The following NFIB variants were observed in gnomAD, a reference collection of about 807,000 sequenced individuals.
The protein encoded by NFIB is nuclear factor 1 B-type.
In NFIB, 11 loss-of-function variants were observed where a neutral mutation model predicts 61.5. The ratio of observed to expected loss-of-function variants is 0.18; its 90% CI spans 0.11 to 0.30. The LOEUF is 0.30. NFIB is among the 10% of genes least tolerant of loss of function. NFIB has a pLI of 1.00. For missense variants in NFIB, 471 were observed against 608.9 expected (o/e 0.77, Z 2.38); for synonymous variants, 260 against 216.5 (o/e 1.20, Z -1.76).
At chr9:14,175,912 C>A (rs2046136233) in intron 3 of NFIB, among the ~76,000 whole-genome samples, 1 of 152,146 alleles carries the variant, frequency 6.6e-6, no homozygotes, top group Non-Finnish European at 1.5e-5. Context: ...TTGGAACTGA[C>A]TTAGAAGCAA....
chr9:14,186,921 CTGAG>C (rs756475448), intron 2 of NFIB, among the ~76,000 whole-genome samples: 5 of 151,820 alleles, frequency 3.3e-5, no homozygotes, highest in Non-Finnish European at 7.4e-5. Context: ...CATGGGAAAA[CTGAG>C]TGTTTTCCTT....
intron 1 of NFIB, chr9:14,321,886 G>T (rs991822658): frequency 8.1e-7 from 1 of 1,231,570 alleles, no homozygotes; most frequent in Non-Finnish European, 1.0e-6. Flanking sequence ...ATAGGAGGGG[G>T]TGCAAAGAAC....
chr9:14,125,909 G>T, intron 6 of NFIB, 143 bp from the exon 7 acceptor site: 1 of 1,101,346 alleles, frequency 9.1e-7, no homozygotes, highest in Non-Finnish European at 1.2e-6. Flanking sequence ...GAGTGTCAAC[G>T]ATCCAGCTGT....
chr9:14,315,684 C>T (rs2132785006), upstream of NFIB, among the ~76,000 whole-genome samples: 1 of 150,946 alleles, frequency 6.6e-6, no homozygotes, highest in South Asian at 2.1e-4. Flanking sequence ...AGTGAATGAA[C>T]TTGATTCCAG....
the NFIB span, among the ~76,000 whole-genome samples, chr9:14,510,243 C>T: frequency 6.6e-6 from 1 of 152,088 alleles, no homozygotes; most frequent in Admixed American, 6.5e-5. Context: ...AAGTTAAATG[C>T]TTTAAATTAT....
chr9:14,258,849 T>A (rs1013396820), intron 2 of NFIB, among the ~76,000 whole-genome samples: 1 of 152,174 alleles, frequency 6.6e-6, no homozygotes, highest in Non-Finnish European at 1.5e-5. Context: ...CACAACACAC[T>A]TGCTCAACTT....
intron 6 of NFIB, among the ~76,000 whole-genome samples, chr9:14,144,403 C>T (rs982870738): frequency 6.6e-6 from 1 of 152,094 alleles, no homozygotes; most frequent in Non-Finnish European, 1.5e-5. Flanking sequence ...TTAGAATAAG[C>T]TGACAATGTC....
the NFIB span, among the ~76,000 whole-genome samples, chr9:14,404,518 C>G: frequency 7.8e-4 from 119 of 152,282 alleles, 1 homozygote; most frequent in African/African-American, 2.7e-3. Flanking sequence ...AAATTTCCAT[C>G]ATGAAATTGT....
chr9:14,243,404 A>G (rs1346367268), intron 2 of NFIB, among the ~76,000 whole-genome samples: 1 of 152,192 alleles, frequency 6.6e-6, no homozygotes, highest in Non-Finnish European at 1.5e-5. Context: ...TGGATAAGTA[A>G]GAGAAATAAA....
At chr9:14,373,305 C>A (rs545535977) in intron 1 of NFIB, among the ~76,000 whole-genome samples, 2 of 152,332 alleles carry the variant, frequency 1.3e-5, no homozygotes, top group African/African-American at 4.8e-5. Flanking sequence ...TTTATGAGAA[C>A]TTACCTTCCC....
chr9:14,475,795 A>C, the NFIB span, among the ~76,000 whole-genome samples: 1 of 152,108 alleles, frequency 6.6e-6, no homozygotes, highest in African/African-American at 2.4e-5. Flanking sequence ...ACAATTTCTC[A>C]CAAAATTTAT....
At chr9:14,401,084 G>A (rs2061738575), upstream of NFIB, among the ~76,000 whole-genome samples, 1 of 152,222 alleles carries the variant, frequency 6.6e-6, no homozygotes, top group Non-Finnish European at 1.5e-5. Flanking sequence ...GTTCCAAGAA[G>A]TAGTGGTTAA....
the NFIB span, among the ~76,000 whole-genome samples, chr9:14,483,923 A>G: frequency 6.6e-6 from 1 of 152,232 alleles, no homozygotes; most frequent in Non-Finnish European, 1.5e-5. Flanking sequence ...GCAGATCATC[A>G]GGAAGCTACA....
chr9:14,374,132 A>G (rs905140372), intron 1 of NFIB, among the ~76,000 whole-genome samples: 2 of 152,254 alleles, frequency 1.3e-5, no homozygotes, highest in Non-Finnish European at 2.9e-5. Context: ...GTGGGGCCTT[A>G]TATGAGTGAA....
intron 2 of NFIB, among the ~76,000 whole-genome samples, chr9:14,242,722 C>T (rs2054486650): frequency 6.6e-6 from 1 of 152,128 alleles, no homozygotes; most frequent in Non-Finnish European, 1.5e-5. Flanking sequence ...ATCAACAAAG[C>T]AATTATTTTA....
chr9:14,174,853 C>A (rs893608023), intron 3 of NFIB, among the ~76,000 whole-genome samples: 7 of 151,428 alleles, frequency 4.6e-5, no homozygotes, highest in African/African-American at 1.7e-4. Flanking sequence ...CTTTGAACAC[C>A]ATATTCCAAG....
At chr9:14,500,163 A>T in the NFIB span, among the ~76,000 whole-genome samples, 1 of 152,120 alleles carries the variant, frequency 6.6e-6, no homozygotes, top group South Asian at 2.1e-4. Context: ...ATCACAGATG[A>T]GGAAACAGGC....
At chr9:14,428,938 A>T in the NFIB span, among the ~76,000 whole-genome samples, 1 of 152,204 alleles carries the variant, frequency 6.6e-6, no homozygotes, top group Admixed American at 6.5e-5. Flanking sequence ...GTCTTTGATG[A>T]ACGACAAAAA....
chr9:14,491,622 T>C, the NFIB span, among the ~76,000 whole-genome samples: 2 of 152,180 alleles, frequency 1.3e-5, no homozygotes, highest in Non-Finnish European at 2.9e-5. Flanking sequence ...ACTCATAGCT[T>C]TCTTTATTTT....
Sources: gnomAD v4.1 joint callset for allele counts (sites outside exome capture counted in the v4.1 genomes callset) on GRCh38, gnomAD v4.1.1 for gene constraint, MANE v1.5 for transcripts, NCBI Gene and HGNC (gene_info 2026-07-23, HGNC 2026-07-21) for gene names.